The following GPATCH2L variants were observed in gnomAD, a reference collection of about 807,000 sequenced individuals.
GPATCH2L encodes the protein G-patch domain containing 2 like.
In GPATCH2L, 31 loss-of-function variants were observed where a neutral mutation model predicts 57.4. The ratio of observed to expected loss-of-function variants is 0.54; its 90% CI spans 0.41 to 0.73. The LOEUF (loss-of-function observed/expected upper bound fraction) is 0.73, where lower values mean the gene tolerates loss of function less well. Among genes scored for constraint, GPATCH2L ranks in the 30% least tolerant of loss-of-function variants. The pLI is 0.00. For missense variants in GPATCH2L, 481 were observed against 599.9 expected, an observed-to-expected ratio of 0.80 and a Z score of 2.07; for synonymous variants, 199 against 210.7, an observed-to-expected ratio of 0.94 and a Z score of 0.48.
intron 8 of GPATCH2L, among the ~76,000 whole-genome samples, chr14:76,182,363 GAAAAAAAAA>G (rs3059799): frequency 3.2e-3 from 277 of 85,642 alleles, no homozygotes; most frequent in Admixed American, 8.1e-3. Context: ...TCTCAGAAAA[GAAAAAAAAA>G]AAAAAAAAAA....
rs1214095915 is a variant in GPATCH2L, at chr14:76,213,526, A to G, written c.*11675A>G. On this transcript the variant is annotated 3_prime_UTR_variant, in exon 10 of 10. Coordinates refer to ENST00000261530, the MANE Select transcript of GPATCH2L (RefSeq NM_017926.4). ...TAAAGCATGGAATGGAATTTATTGTAAAGACGTGTATTTTATAGAATCCAA... is the reference window on the plus strand; with the variant it reads ...TAAAGCATGGAATGGAATTTATTGTGAAGACGTGTATTTTATAGAATCCAA... 6.6e-6 allele frequency: 1 copy of G among 152,156 alleles called. No individual in the cohort carries two copies. The highest frequency in any genetic ancestry group is 2.4e-5 in the African/African-American group (1 of 41,442). The allele number at this position is 152,156 out of a possible 1,614,324, so 9.4% of individuals were successfully genotyped here.
intron 1 of GPATCH2L, among the ~76,000 whole-genome samples, chr14:76,222,911 G>A (rs555565974): frequency 8.2e-4 from 120 of 145,582 alleles, no homozygotes; most frequent in Non-Finnish European, 1.5e-3. Context: ...AGCCGAGATC[G>A]CACCACTGCA....
chr14:76,186,912 G>A (rs1027855955), intron 8 of GPATCH2L, among the ~76,000 whole-genome samples: 1 of 152,184 alleles, frequency 6.6e-6, no homozygotes, highest in African/African-American at 2.4e-5. Context: ...GTGCCAGTGA[G>A]CAGTTTGTCA....
chr14:76,185,103 C>T (rs1415053154), intron 8 of GPATCH2L, among the ~76,000 whole-genome samples: 4 of 152,170 alleles, frequency 2.6e-5, no homozygotes, highest in African/African-American at 7.2e-5. Context: ...GCACGGTGCC[C>T]AGCACATAGT....
At chr14:76,177,799 A>G (rs1424096599) in intron 6 of GPATCH2L, 189 bp from the exon 7 acceptor site, 1 of 752,130 alleles carries the variant, frequency 1.3e-6, no homozygotes, top group Non-Finnish European at 2.3e-6. Context: ...TCTTTACTTA[A>G]TTATTCCAAC....
intron 2 of GPATCH2L, among the ~76,000 whole-genome samples, chr14:76,164,243 A>C (rs2038728705): frequency 6.6e-6 from 1 of 152,108 alleles, no homozygotes; most frequent in Admixed American, 6.5e-5. Flanking sequence ...TGCTTTGTTC[A>C]TCACCATAGA....
At chr14:76,220,138 A>C (rs2040508154) in intron 1 of GPATCH2L, among the ~76,000 whole-genome samples, 1 of 152,220 alleles carries the variant, frequency 6.6e-6, no homozygotes, top group South Asian at 2.1e-4. Context: ...GAGGTTAGTC[A>C]GCTTCAGTCC....
intron 8 of GPATCH2L, among the ~76,000 whole-genome samples, chr14:76,191,850 C>A (rs925235153): frequency 6.6e-6 from 1 of 152,102 alleles, no homozygotes; most frequent in Non-Finnish European, 1.5e-5. Flanking sequence ...TAACTATAGT[C>A]ACCTTACAGT....
chr14:76,185,542 A>G (rs1241042748), intron 8 of GPATCH2L, among the ~76,000 whole-genome samples: 1 of 152,128 alleles, frequency 6.6e-6, no homozygotes, highest in Non-Finnish European at 1.5e-5. Context: ...GCAGTTTTTG[A>G]GTGCAAAAAC....
chr14:76,166,867 G>C, intron 3 of GPATCH2L, 140 bp downstream of exon 3: 1 of 678,884 alleles, frequency 1.5e-6, no homozygotes. Context: ...AGTCACCTAG[G>C]GAACTGTTAA....
chr14:76,180,820 A>T lies in GPATCH2L; in HGVS notation c.1164A>T (p.Arg388=). The change falls in exon 8 of 10, where the codon CGA becomes CGT. Residue 388 remains arginine (R), a synonymous_variant. Coordinates refer to ENST00000261530, the MANE Select transcript of GPATCH2L (RefSeq NM_017926.4). ...SLDVLADASH[R]RCSPAHCSAR... is the part of the protein sequence containing the mutation. ...ATGTTCTTGCCGATGCTTCTCACCGAAGGTGTTCACCAGCACACTGCTCTG... is the reference window on the plus strand; with the variant it reads ...ATGTTCTTGCCGATGCTTCTCACCGTAGGTGTTCACCAGCACACTGCTCTG... 6.2e-7 allele frequency: 1 copy of T among 1,612,934 alleles called. No individual in the cohort carries two copies. Among genetic ancestry groups the T allele is most frequent in the African/African-American group, 1.3e-5 (1 of 75,028 alleles).
At chr14:76,217,526 A>G (rs2040495156), downstream of GPATCH2L, among the ~76,000 whole-genome samples, 2 of 152,142 alleles carry the variant, frequency 1.3e-5, no homozygotes, top group South Asian at 2.1e-4. Flanking sequence ...TTTGGGACCA[A>G]TAATGTACTC....
At chr14:76,164,941 T>A (rs957904203) in intron 2 of GPATCH2L, among the ~76,000 whole-genome samples, 6 of 152,150 alleles carry the variant, frequency 3.9e-5, no homozygotes, top group African/African-American at 1.4e-4. Context: ...GTGGGAAGGT[T>A]AGATAGAGAG....
At chr14:76,179,500 C>G (rs1054165540) in intron 7 of GPATCH2L, 1 of 152,198 alleles carries the variant, frequency 6.6e-6, no homozygotes, top group African/African-American at 2.4e-5. Context: ...GTGGCAGTCA[C>G]CTGATCCAGA....
intron 3 of GPATCH2L, chr14:76,170,655 A>G (rs1351261759): frequency 6.6e-6 from 1 of 152,218 alleles, no homozygotes; most frequent in Non-Finnish European, 1.5e-5. Flanking sequence ...TACCAACGAT[A>G]AATGAAGTAT....
At chr14:76,177,851 T>A in intron 6 of GPATCH2L, 137 bp from the exon 7 acceptor site, 1 of 1,345,166 alleles carries the variant, frequency 7.4e-7, no homozygotes, top group Non-Finnish European at 1.1e-6. Context: ...CTATCACTTC[T>A]TTTATTGTTT....
intron 2 of GPATCH2L, among the ~76,000 whole-genome samples, chr14:76,232,011 A>ACTGCAGGCTCACTGCAGCCTCACTGC: frequency 3.3e-5 from 5 of 150,430 alleles, no homozygotes; most frequent in East Asian, 3.9e-4. Flanking sequence ...CTGCAGGCTC[A>ACTGCAGGCTCACTGCAGCCTCACTGC]AGCAATCTTC....
At chr14:76,159,151 T>C (rs1207460284) in intron 2 of GPATCH2L, among the ~76,000 whole-genome samples, 1 of 151,972 alleles carries the variant, frequency 6.6e-6, no homozygotes, top group East Asian at 1.9e-4. Flanking sequence ...TGCTGTGGAG[T>C]TGAGAAGGTT....
chr14:76,159,115 A>G (rs1594907246), intron 2 of GPATCH2L, among the ~76,000 whole-genome samples: 1 of 152,244 alleles, frequency 6.6e-6, no homozygotes, highest in South Asian at 2.1e-4. Context: ...GGATTCAAAC[A>G]TGGGCTTGAT....
Sources: allele counts gnomAD v4.1 joint callset (sites outside exome capture counted in the v4.1 genomes callset), GRCh38; gene constraint gnomAD v4.1.1; transcripts MANE v1.5; gene names NCBI Gene and HGNC (gene_info 2026-07-23, HGNC 2026-07-21).